Variants in KIAA0930 observed in about 807,000 individuals in gnomAD.
The protein encoded by KIAA0930 is KIAA0930.
In KIAA0930, 24 loss-of-function variants were observed where a neutral mutation model predicts 43.9. That is an observed-to-expected ratio of 0.55 (90% CI 0.40 to 0.77). The LOEUF is 0.77. KIAA0930 is among the 30% of genes least tolerant of loss of function. KIAA0930 has a pLI of 0.00. For synonymous variants in KIAA0930, 259 were observed against 216.4 expected, an observed-to-expected ratio of 1.20 and a Z score of -1.73; for missense variants, 461 against 574.2, an observed-to-expected ratio of 0.80 and a Z score of 2.02.
At chr22:45,198,071 A>C (rs1601806446) in intron 8 of KIAA0930, 123 bp from the exon 9 acceptor site, 1 of 871,768 alleles carries the variant, frequency 1.1e-6, no homozygotes. Context: ...CCTTACCAAC[A>C]CCCCCACACC....
chr22:45,224,905 C>A (rs2083789234), intron 1 of KIAA0930, among the ~76,000 whole-genome samples: 1 of 152,080 alleles, frequency 6.6e-6, no homozygotes. Flanking sequence ...GGCTGGGGAC[C>A]CCTGAAGTGT....
intron 1 of KIAA0930, chr22:45,212,459 G>C (rs2083703615): frequency 2.1e-6 from 3 of 1,457,848 alleles, no homozygotes; most frequent in Non-Finnish European, 2.7e-6. Flanking sequence ...GTCTGGGCTG[G>C]AAGCCGGGAA....
intron 1 of KIAA0930, among the ~76,000 whole-genome samples, chr22:45,238,060 A>G (rs570530835): frequency 6.6e-6 from 1 of 151,874 alleles, no homozygotes; most frequent in South Asian, 2.1e-4. Context: ...AGCTGCGACT[A>G]TAGGCGCCCG....
chr22:45,227,941 T>A (rs1156685559), intron 1 of KIAA0930, among the ~76,000 whole-genome samples: 1 of 152,122 alleles, frequency 6.6e-6, no homozygotes, highest in African/African-American at 2.4e-5. Flanking sequence ...CCTCCCTGGA[T>A]CAGGAGAAAC....
rs113916047 is a variant in KIAA0930, at chr22:45,234,978, G to C, written c.64+5662C>G. Among the ~76,000 whole-genome samples, 3 of 149,578 alleles carry C rather than the reference G, an allele frequency of 2.0e-5. 1 individual carries two copies. The highest frequency in any genetic ancestry group is 7.4e-5 in the African/African-American group (3 of 40,600). On this transcript the variant is annotated intron_variant, in intron 1 of 9. Transcript: ENST00000336156. ...AGGCATAATTGTTTCCTATTTTCTA[G>C]TTTCCGTAATGTGCATGTGACTTTT...
At chr22:45,221,752 G>C (rs2083769222) in intron 1 of KIAA0930, among the ~76,000 whole-genome samples, 1 of 151,204 alleles carries the variant, frequency 6.6e-6, no homozygotes, top group South Asian at 2.1e-4. Flanking sequence ...GTTGTTTTTT[G>C]AGACAGAGTC....
At chr22:45,201,188 A>T (rs891367606) in intron 7 of KIAA0930, among the ~76,000 whole-genome samples, 3 of 152,260 alleles carry the variant, frequency 2.0e-5, no homozygotes, top group African/African-American at 7.2e-5. Flanking sequence ...AGAAACAAAC[A>T]GCAGCAACCA....
chr22:45,212,403 G>A (rs1454342828), intron 1 of KIAA0930: 4 of 1,565,310 alleles, frequency 2.6e-6, no homozygotes, highest in Non-Finnish European at 3.5e-6. Flanking sequence ...AGCTTCGGAG[G>A]AAAAGGAAAA....
At chr22:45,200,150 C>A in intron 7 of KIAA0930, 115 bp from the exon 8 acceptor site, 3 of 1,119,948 alleles carry the variant, frequency 2.7e-6, no homozygotes, top group Non-Finnish European at 3.6e-6. Flanking sequence ...GGGAAGAGGC[C>A]GCTGGCCCAG....
intron 1 of KIAA0930, among the ~76,000 whole-genome samples, chr22:45,220,506 A>G (rs531592684): frequency 6.6e-5 from 10 of 152,214 alleles, no homozygotes; most frequent in Non-Finnish European, 1.3e-4. Context: ...TAGAGCTCAA[A>G]AGAGAAATAA....
intron 8 of KIAA0930, among the ~76,000 whole-genome samples, chr22:45,199,504 C>CT (rs1052842385): frequency 1.3e-5 from 2 of 152,184 alleles, no homozygotes; most frequent in African/African-American, 4.8e-5. Flanking sequence ...GGAAGCCCTC[C>CT]TCTCTCCCGC....
At chr22:45,228,737 C>A (rs1438277748) in intron 1 of KIAA0930, among the ~76,000 whole-genome samples, 5 of 90,880 alleles carry the variant, frequency 5.5e-5, no homozygotes, top group Admixed American at 4.0e-4. Context: ...TCCCTCTCCA[C>A]CCCCCTACCA....
chr22:45,224,586 G>A (rs1401539293), intron 1 of KIAA0930, among the ~76,000 whole-genome samples: 1 of 152,190 alleles, frequency 6.6e-6, no homozygotes, highest in Non-Finnish European at 1.5e-5. Flanking sequence ...GGTCCCTGCT[G>A]CCCCCGCCAT....
chr22:45,214,129 A>T (rs2083716783), intron 1 of KIAA0930, among the ~76,000 whole-genome samples: 1 of 152,220 alleles, frequency 6.6e-6, no homozygotes, highest in African/African-American at 2.4e-5. Context: ...GTGAACCAAG[A>T]TCGTGCCACT....
At chr22:45,197,417 C>A (rs2083547119) in intron 9 of KIAA0930, among the ~76,000 whole-genome samples, 1 of 152,208 alleles carries the variant, frequency 6.6e-6, no homozygotes, top group African/African-American at 2.4e-5. Flanking sequence ...CAACGGCACA[C>A]CCTGCAGGGC....
At chr22:45,239,615 T>C (rs762180339) in intron 1 of KIAA0930, among the ~76,000 whole-genome samples, 5 of 152,168 alleles carry the variant, frequency 3.3e-5, no homozygotes, top group African/African-American at 4.8e-5. Flanking sequence ...TGCCTGGGAC[T>C]GCCATGTCCC....
At chr22:45,229,787 A>G (rs568072845) in intron 1 of KIAA0930, among the ~76,000 whole-genome samples, 2 of 152,332 alleles carry the variant, frequency 1.3e-5, no homozygotes, top group African/African-American at 4.8e-5. Flanking sequence ...GCAGACATCA[A>G]GAGGTTCTTA....
At chr22:45,199,831 C>G in intron 8 of KIAA0930, 42 bp downstream of exon 8, 2 of 1,473,484 alleles carry the variant, frequency 1.4e-6, no homozygotes, top group Non-Finnish European at 1.8e-6. Flanking sequence ...CAAGAAGAGA[C>G]TGAAGGGCAC....
At chr22:45,217,512 G>A (rs1293938365) in intron 1 of KIAA0930, among the ~76,000 whole-genome samples, 3 of 151,958 alleles carry the variant, frequency 2.0e-5, no homozygotes, top group Non-Finnish European at 2.9e-5. Flanking sequence ...GCCATCTTGT[G>A]CCTGGGACTA....
Sources: allele counts gnomAD v4.1 joint callset (sites outside exome capture counted in the v4.1 genomes callset), GRCh38; gene constraint gnomAD v4.1.1; transcripts MANE v1.5; gene names NCBI Gene and HGNC (gene_info 2026-07-23, HGNC 2026-07-21).